HCN4: variants seen among roughly 807,000 people sequenced by gnomAD.
HCN4 encodes the protein hyperpolarization activated cyclic nucleotide gated potassium channel 4.
HCN4 carries 29 observed loss-of-function variants against 76.9 expected under a neutral mutation model. The ratio of observed to expected loss-of-function variants is 0.38; its 90% CI spans 0.28 to 0.51. The LOEUF is 0.51. HCN4 is among the 20% of genes least tolerant of loss of function. The probability of loss-of-function intolerance (pLI) is 0.90; values close to 1 mark genes in which losing one functional copy is unlikely to be tolerated. For synonymous variants in HCN4, 772 were observed against 762.5 expected (o/e 1.01, Z -0.21); for missense variants, 1,416 against 1,715.2 (o/e 0.83, Z 3.08).
intron 2 of HCN4, among the ~76,000 whole-genome samples, chr15:73,336,797 AGC>A: frequency 6.6e-6 from 1 of 152,178 alleles, no homozygotes; most frequent in Non-Finnish European, 1.5e-5. Flanking sequence ...CGCCCCTCCA[AGC>A]CACTCTCAAC....
chr15:73,330,903 C>T (rs867399996), intron 3 of HCN4, among the ~76,000 whole-genome samples: 10 of 152,224 alleles, frequency 6.6e-5, no homozygotes, highest in Admixed American at 1.3e-4. Flanking sequence ...GCCTTTACTG[C>T]TGAGCCTCTG....
At chr15:73,360,011 C>T (rs1311445921) in intron 1 of HCN4, among the ~76,000 whole-genome samples, 2 of 152,180 alleles carry the variant, frequency 1.3e-5, no homozygotes, top group Admixed American at 6.5e-5. Flanking sequence ...CATCCCAGCC[C>T]AGCATCCTCA....
At chr15:73,339,285 C>A (rs887519738) in intron 2 of HCN4, among the ~76,000 whole-genome samples, 1 of 152,212 alleles carries the variant, frequency 6.6e-6, no homozygotes, top group Admixed American at 6.5e-5. Context: ...AGGCTTGCAT[C>A]CTCCAAGATG....
intron 1 of HCN4, among the ~76,000 whole-genome samples, chr15:73,350,940 C>T (rs1183419685): frequency 6.6e-6 from 1 of 152,174 alleles, no homozygotes; most frequent in African/African-American, 2.4e-5. Flanking sequence ...TTTCGTGCCC[C>T]TCACCCAGCG....
chr15:73,337,741 C>G (rs141986360), intron 2 of HCN4, among the ~76,000 whole-genome samples: 1 of 152,270 alleles, frequency 6.6e-6, no homozygotes, highest in East Asian at 1.9e-4. Flanking sequence ...GTCAGCAGGG[C>G]TCCTGCTAGT....
In HCN4 at chr15:73,322,587, CCAAA is replaced by C. The variant is rs786205259; in HGVS notation, c.3502_3505del (p.Phe1168GlyfsTer12). The C allele has an allele frequency of 1.1e-4, 180 of 1,610,494 alleles. No individual in the cohort carries two copies. The highest frequency in any genetic ancestry group is 2.5e-4 in the African/African-American group (19 of 74,876). Reference sequence around the variant, plus strand: ...CCCCCCAGAAGAGGTGGCTCTTGCCCCAAACAAAGACAGAGGGGGTGGCAAAGAA... The same window carrying C: ...CCCCCCAGAAGAGGTGGCTCTTGCCCCAAAGACAGAGGGGGTGGCAAAGAA... On this transcript the variant is annotated frameshift_variant, in exon 8 of 8. Transcript: ENST00000261917. LOFTEE classifies it high-confidence loss of function.
intron 1 of HCN4, among the ~76,000 whole-genome samples, chr15:73,352,084 T>C (rs1379439842): frequency 6.6e-6 from 1 of 152,248 alleles, no homozygotes; most frequent in African/African-American, 2.4e-5. Context: ...GTACTTATCA[T>C]GTTATAAGAA....
At position 73,320,253 on chromosome 15, in the gene HCN4, CCT is replaced by C. The variant is rs984996455; in HGVS notation, c.*2226_*2227del. On this transcript the variant is annotated 3_prime_UTR_variant, in exon 8 of 8. Coordinates refer to ENST00000261917, the MANE Select transcript of HCN4 (RefSeq NM_005477.3). ...CTAAGTCCTTCCAGTTCTCAGAACTCCTGAGCCAGCACAGTAGAGACCAGTAC... is the reference window on the plus strand; with the variant it reads ...CTAAGTCCTTCCAGTTCTCAGAACTCGAGCCAGCACAGTAGAGACCAGTAC... The C allele has an allele frequency of 6.6e-6, 1 of 152,214 alleles. No individual in the cohort carries two copies. Among genetic ancestry groups the C allele is most frequent in the African/African-American group, 2.4e-5 (1 of 41,444 alleles). 9.4% of individuals were successfully genotyped at this position (152,214 alleles called of 1,614,324 possible). A position where few individuals can be genotyped will look rare whatever the true frequency, so the allele number is the denominator to read the frequency against.
intron 2 of HCN4, among the ~76,000 whole-genome samples, chr15:73,342,080 A>G (rs1371484450): frequency 6.6e-6 from 1 of 152,200 alleles, no homozygotes; most frequent in Admixed American, 6.5e-5. Flanking sequence ...GCTGTCTCAC[A>G]GAGAGAGTAG....
At chr15:73,348,248 T>G (rs1169905616) in intron 1 of HCN4, among the ~76,000 whole-genome samples, 1 of 152,068 alleles carries the variant, frequency 6.6e-6, no homozygotes, top group Non-Finnish European at 1.5e-5. Flanking sequence ...ATGGGAAGGG[T>G]GACAGAATGA....
At position 73,322,430 on chromosome 15, in the gene HCN4, G is replaced by C. The variant is rs184571419; in HGVS notation, c.*51C>G. On this transcript the variant is annotated 3_prime_UTR_variant, in exon 8 of 8. Transcript: ENST00000261917. ...CTCCTAATCACAGTTAAACCTGAAG[G>C]AAGAAGGAAGGGAGAGAAAAGAAGA... 248 of 1,406,582 alleles carry C rather than the reference G, an allele frequency of 1.8e-4. 1 individual carries two copies. The African/African-American group carries it at 3.0e-3, about 17-fold the overall frequency. The allele number at this position is 1,406,582 out of a possible 1,614,324, so 87.1% of individuals were successfully genotyped here.
chr15:73,341,563 G>A (rs899595453), intron 2 of HCN4, among the ~76,000 whole-genome samples: 3 of 152,294 alleles, frequency 2.0e-5, no homozygotes, highest in South Asian at 2.1e-4. Flanking sequence ...AGGCAAAGTG[G>A]ACCCAAAGCT....
Position 73,367,891 on chromosome 15 carries a change from T to C in HCN4, c.380A>G (p.Glu127Gly). ...GCCCTCGGCGATGAGCCGCCGCTCCTCCGCGGAGTCATGCAGGTGTCCGTG... is the reference window on the plus strand; with the variant it reads ...GCCCTCGGCGATGAGCCGCCGCTCCCCCGCGGAGTCATGCAGGTGTCCGTG... ...SSHGHLHDSA[E>G]ERRLIAEGDA... is the part of the protein sequence containing the mutation. The change falls in exon 1 of 8, where the codon GAG becomes GGG. Residue 127 changes from glutamate (E) to glycine (G), a missense_variant. Around this residue, in one of 6 missense-constraint regions of HCN4, gnomAD observed 355 missense variants for 347.8 expected, o/e 1.02. Coordinates refer to ENST00000261917, the MANE Select transcript of HCN4 (RefSeq NM_005477.3). This position sits in a 1 kb window ranked among gnomAD's most constrained non-coding sequence, Gnocchi z 7.5. 1 of 1,373,884 alleles carries C rather than the reference T, an allele frequency of 7.3e-7. No individual in the cohort carries two copies. Among genetic ancestry groups the C allele is most frequent in the Non-Finnish European group, 9.4e-7 (1 of 1,061,690 alleles). 85.1% of individuals were successfully genotyped at this position (1,373,884 alleles called of 1,614,324 possible).
chr15:73,349,663 G>A (rs1244326159), intron 1 of HCN4, among the ~76,000 whole-genome samples: 1 of 152,106 alleles, frequency 6.6e-6, no homozygotes, highest in East Asian at 1.9e-4. Context: ...CCCCGCTTAA[G>A]TGAACCCTAG....
chr15:73,353,457 G>C (rs1395330290), intron 1 of HCN4, among the ~76,000 whole-genome samples: 9 of 152,182 alleles, frequency 5.9e-5, no homozygotes, highest in Non-Finnish European at 1.3e-4. Flanking sequence ...CTGAAGAGCA[G>C]GTGTAATAGG....
In HCN4 at chr15:73,332,128, C is replaced by T; in HGVS notation, c.1371+3G>A. ...GAGAGAGGACCGGGCTGGGCGCACT[C>T]ACCACCATGTTGTTGATGGACACCC... On this transcript the variant is annotated splice_donor_region_variant and intron_variant, in intron 3 of 7. Coordinates refer to ENST00000261917, the MANE Select transcript of HCN4 (RefSeq NM_005477.3). 6.2e-7 allele frequency: 1 copy of T among 1,613,666 alleles called. No homozygotes were observed. Among genetic ancestry groups the T allele is most frequent in the Non-Finnish European group, 8.5e-7 (1 of 1,179,950 alleles).
intron 1 of HCN4, among the ~76,000 whole-genome samples, chr15:73,348,158 T>C (rs1289259487): frequency 2.0e-5 from 3 of 152,170 alleles, no homozygotes; most frequent in Non-Finnish European, 4.4e-5. Flanking sequence ...GAGGAAGACA[T>C]GACAGGAGGT....
chr15:73,332,563 A>C (rs974882761), intron 2 of HCN4, among the ~76,000 whole-genome samples: 1 of 152,322 alleles, frequency 6.6e-6, no homozygotes, highest in East Asian at 1.9e-4. Context: ...CATCCAGGAC[A>C]TGTGGAAGGA....
chr15:73,323,977 CAG>C (rs1232102462), intron 7 of HCN4, 28 bp from the exon 8 acceptor site: 3 of 1,608,758 alleles, frequency 1.9e-6, no homozygotes, highest in Non-Finnish European at 2.5e-6. Flanking sequence ...AACAGGCACT[CAG>C]GGCAGAGCGG....
Sources: gnomAD v4.1 joint callset for allele counts (sites outside exome capture counted in the v4.1 genomes callset) on GRCh38, gnomAD v4.1.1 for gene constraint, gnomAD v4.1.1 regional missense constraint, Gnocchi (gnomAD v3.1) non-coding constraint, MANE v1.5 for transcripts, NCBI Gene and HGNC (gene_info 2026-07-23, HGNC 2026-07-21) for gene names.